Variants in TBC1D32 observed in about 807,000 individuals in gnomAD.
TBC1D32 encodes protein broad-minded.
In TBC1D32, 151 loss-of-function variants were observed where a neutral mutation model predicts 170.3. The ratio of observed to expected loss-of-function variants is 0.89; its 90% CI spans 0.78 to 1.01. TBC1D32 has a LOEUF of 1.01. Among genes scored for constraint, TBC1D32 ranks in the 50% least tolerant of loss-of-function variants. The probability of loss-of-function intolerance (pLI) is 0.00; values close to 1 mark genes in which losing one functional copy is unlikely to be tolerated. For missense variants in TBC1D32, 1,464 were observed against 1,457.1 expected (o/e 1.00, Z -0.08); for synonymous variants, 498 against 488.0 (o/e 1.02, Z -0.27).
chr6:121,266,645 A>G (rs544567286), intron 15 of TBC1D32, among the ~76,000 whole-genome samples: 2 of 152,178 alleles, frequency 1.3e-5, no homozygotes, highest in Admixed American at 6.5e-5. Flanking sequence ...CACAATAGCA[A>G]AGATGTGGAA....
At chr6:121,252,266 A>G (rs1282353364) in intron 17 of TBC1D32, among the ~76,000 whole-genome samples, 1 of 152,226 alleles carries the variant, frequency 6.6e-6, no homozygotes, top group African/African-American at 2.4e-5. Context: ...ATAAAGACAC[A>G]TGCACACATA....
At chr6:121,130,253 G>A (rs1781287460) in intron 25 of TBC1D32, among the ~76,000 whole-genome samples, 1 of 152,052 alleles carries the variant, frequency 6.6e-6, no homozygotes, top group Admixed American at 6.6e-5. Context: ...AGGCTGAGGC[G>A]GGTGGATCAC....
rs142099747 is a variant in TBC1D32, at chr6:121,223,118, G to T, written c.2481+118C>A. The T allele has an allele frequency of 4.1e-4, 253 of 620,544 alleles. 3 individuals are homozygous for T. In the East Asian group the frequency reaches 7.4e-3, roughly 18 times the overall value. 38.4% of individuals were successfully genotyped at this position (620,544 alleles called of 1,614,324 possible). On this transcript the variant is annotated intron_variant, in intron 21 of 31. Transcript: ENST00000398212. The stretch of plus-strand genomic sequence containing the variant: ...AATTCATGCATGATTAATCAAATCA[G>T]CCCTTAAATGCCATTACATAATGTT...
chr6:121,326,599 T>C (rs888811189), intron 1 of TBC1D32, among the ~76,000 whole-genome samples: 5 of 152,226 alleles, frequency 3.3e-5, no homozygotes, highest in African/African-American at 1.2e-4. Flanking sequence ...AATAACCTCA[T>C]GCTTTTTTCT....
intron 27 of TBC1D32, among the ~76,000 whole-genome samples, chr6:121,114,213 T>C (rs1779473582): frequency 6.6e-6 from 1 of 152,130 alleles, no homozygotes; most frequent in Admixed American, 6.6e-5. Context: ...GGCCACACTG[T>C]AGTATTTGAG....
chr6:121,122,112 G>T (rs1354924215), intron 26 of TBC1D32, among the ~76,000 whole-genome samples: 1 of 151,726 alleles, frequency 6.6e-6, no homozygotes, highest in Non-Finnish European at 1.5e-5. Flanking sequence ...ATAGCCTGTT[G>T]TCCTCCTTGA....
At chr6:121,099,845 T>C (rs1715999008) in intron 30 of TBC1D32, among the ~76,000 whole-genome samples, 1 of 151,948 alleles carries the variant, frequency 6.6e-6, no homozygotes, top group Non-Finnish European at 1.5e-5. Context: ...TAAATAAATC[T>C]GCTATTTGTA....
At chr6:121,199,661 A>G (rs1188007171) in intron 22 of TBC1D32, among the ~76,000 whole-genome samples, 2 of 151,258 alleles carry the variant, frequency 1.3e-5, no homozygotes, top group African/African-American at 2.5e-5. Context: ...ACATGTGTAT[A>G]TAAAATCTAA....
intron 16 of TBC1D32, 96 bp from the exon 17 acceptor site, chr6:121,255,506 A>ATTTAGAATTATAT (rs1798865593): frequency 5.5e-6 from 1 of 181,600 alleles, no homozygotes; most frequent in African/African-American, 3.0e-5. Context: ...TTATAATTAT[A>ATTTAGAATTATAT]TTTATAATTA....
chr6:121,105,732 C>T (rs929515605), intron 30 of TBC1D32, among the ~76,000 whole-genome samples: 1 of 151,926 alleles, frequency 6.6e-6, no homozygotes, highest in Admixed American at 6.6e-5. Flanking sequence ...CCTCTGTTAC[C>T]TCAGTTAATC....
At chr6:121,085,222 C>CAT (rs201750657) in intron 31 of TBC1D32, among the ~76,000 whole-genome samples, 15 of 139,336 alleles carry the variant, frequency 1.1e-4, no homozygotes, top group African/African-American at 1.8e-4. Flanking sequence ...TATATATACA[C>CAT]ATATATATAT....
intron 4 of TBC1D32, among the ~76,000 whole-genome samples, chr6:121,310,567 T>C (rs555849710): frequency 6.6e-6 from 1 of 152,300 alleles, no homozygotes; most frequent in Admixed American, 6.5e-5. Flanking sequence ...AAATTTCCTC[T>C]TCCAAACCAC....
intron 1 of TBC1D32, among the ~76,000 whole-genome samples, chr6:121,325,064 T>A (rs960892254): frequency 1.3e-5 from 2 of 151,996 alleles, no homozygotes; most frequent in Non-Finnish European, 1.5e-5. Flanking sequence ...ACAAAAAAAT[T>A]AGCTGGGCAT....
chr6:121,329,568 C>G (rs1008788027), intron 1 of TBC1D32, among the ~76,000 whole-genome samples: 1 of 152,108 alleles, frequency 6.6e-6, no homozygotes, highest in Non-Finnish European at 1.5e-5. Context: ...AAGAGAATCA[C>G]TTGAACCTGG....
At chr6:121,113,451 A>G (rs1779393960) in intron 27 of TBC1D32, among the ~76,000 whole-genome samples, 1 of 152,232 alleles carries the variant, frequency 6.6e-6, no homozygotes, top group South Asian at 2.1e-4. Flanking sequence ...AACTTAATCT[A>G]AAACATGGAA....
chr6:121,205,924 T>C (rs561989112), intron 21 of TBC1D32, among the ~76,000 whole-genome samples: 1 of 152,238 alleles, frequency 6.6e-6, no homozygotes, highest in Admixed American at 6.5e-5. Flanking sequence ...TTTAAAAGGC[T>C]TTCTTGGCCA....
At chr6:121,094,549 C>A (rs6922026) in intron 30 of TBC1D32, among the ~76,000 whole-genome samples, 11,769 of 152,096 alleles carry the variant, frequency 0.077, 905 homozygotes, top group African/African-American at 0.2. Flanking sequence ...TGTGTCCAAA[C>A]AAACATGATG....
At chr6:121,176,095 C>T (rs1455519457) in intron 22 of TBC1D32, among the ~76,000 whole-genome samples, 1 of 151,802 alleles carries the variant, frequency 6.6e-6, no homozygotes, top group Admixed American at 6.6e-5. Flanking sequence ...GAACAACGAA[C>T]AAAATTAAAA....
At chr6:121,130,307 C>A (rs1037510946) in intron 25 of TBC1D32, among the ~76,000 whole-genome samples, 1 of 151,968 alleles carries the variant, frequency 6.6e-6, no homozygotes. Flanking sequence ...CATGGTGAAA[C>A]CCCGTCTCTA....
Sources: gnomAD v4.1 joint callset for allele counts (sites outside exome capture counted in the v4.1 genomes callset) on GRCh38, gnomAD v4.1.1 for gene constraint, MANE v1.5 for transcripts, NCBI Gene and HGNC (gene_info 2026-07-23, HGNC 2026-07-21) for gene names.